The following CSMD1 variants were observed in gnomAD, a reference collection of about 807,000 sequenced individuals.
The protein encoded by CSMD1 is CUB and sushi domain-containing protein 1.
CSMD1 carries 213 observed loss-of-function variants against 417.5 expected under a neutral mutation model. That is an observed-to-expected ratio of 0.51 (90% confidence interval 0.46 to 0.57). The LOEUF (loss-of-function observed/expected upper bound fraction) is 0.57, where lower values mean the gene tolerates loss of function less well. CSMD1 is among the 20% of genes least tolerant of loss of function. The probability of loss-of-function intolerance (pLI) is 0.00; values close to 1 mark genes in which losing one functional copy is unlikely to be tolerated. For missense variants in CSMD1, 6,923 were observed against 4,529.7 expected, an observed-to-expected ratio of 1.53 and a Z score of -15.17; for synonymous variants, 2,862 against 1,736.8, an observed-to-expected ratio of 1.65 and a Z score of -16.11.
intron 5 of CSMD1, among the ~76,000 whole-genome samples, chr8:3,968,949 C>T (rs1397098449): frequency 6.6e-6 from 1 of 152,126 alleles, no homozygotes; most frequent in Non-Finnish European, 1.5e-5. Context: ...GACTACTCTT[C>T]TTTACTAAGA....
chr8:3,410,038 G>A (rs149700008), intron 12 of CSMD1, among the ~76,000 whole-genome samples: 2,442 of 152,170 alleles, frequency 0.016, 70 homozygotes, highest in African/African-American at 0.055. Context: ...GAATCTATTT[G>A]AATATTCTTT....
chr8:3,927,659 G>A (rs1414243176), intron 5 of CSMD1, among the ~76,000 whole-genome samples: 1 of 151,990 alleles, frequency 6.6e-6, no homozygotes, highest in African/African-American at 2.4e-5. Flanking sequence ...AGTGAAACAA[G>A]TGAAACTTCA....
At chr8:4,803,310 A>G (rs1798408908) in intron 1 of CSMD1, among the ~76,000 whole-genome samples, 1 of 152,218 alleles carries the variant, frequency 6.6e-6, no homozygotes, top group Non-Finnish European at 1.5e-5. Context: ...TTTAGTGTTC[A>G]GTGAAGAATT....
chr8:3,394,605 C>T (rs1248099949), intron 17 of CSMD1, among the ~76,000 whole-genome samples: 1 of 128,502 alleles, frequency 7.8e-6, no homozygotes, highest in East Asian at 2.3e-4. Context: ...ATCTAAGAGT[C>T]AAGAAATTCT....
At chr8:3,235,050 C>T (rs1442410) in intron 26 of CSMD1, among the ~76,000 whole-genome samples, 92,378 of 151,950 alleles carry the variant, frequency 0.61, 28,757 homozygotes, top group Non-Finnish European at 0.67. Context: ...TATAATTAAG[C>T]ACTCATTTGC....
intron 1 of CSMD1, among the ~76,000 whole-genome samples, chr8:4,992,397 C>A (rs996091659): frequency 1.3e-5 from 2 of 152,180 alleles, no homozygotes; most frequent in Non-Finnish European, 2.9e-5. Flanking sequence ...GTGCGGAACT[C>A]GAGGGAACCG....
chr8:4,470,621 T>C (rs994715583), intron 2 of CSMD1, among the ~76,000 whole-genome samples: 4 of 152,228 alleles, frequency 2.6e-5, no homozygotes, highest in African/African-American at 9.6e-5. Context: ...CATAAATGGC[T>C]TTCCTGTACG....
intron 3 of CSMD1, among the ~76,000 whole-genome samples, chr8:4,295,069 TACACACATATAATCTTAA>T (rs1797584971): frequency 1.0e-5 from 1 of 97,042 alleles, no homozygotes; most frequent in African/African-American, 3.2e-5. Flanking sequence ...ATCTTAAGAT[TACACACATATAATCTTAA>T]GATTACACAC....
intron 1 of CSMD1, among the ~76,000 whole-genome samples, chr8:4,854,719 G>A (rs568437456): frequency 3.3e-5 from 5 of 152,248 alleles, no homozygotes; most frequent in African/African-American, 7.2e-5. Context: ...CTTAAAAAAC[G>A]GTGCACCACG....
intron 1 of CSMD1, among the ~76,000 whole-genome samples, chr8:4,819,033 G>T (rs1799369663): frequency 6.6e-6 from 1 of 152,016 alleles, no homozygotes; most frequent in African/African-American, 2.4e-5. Flanking sequence ...AGGAATAAAT[G>T]GCTTGGAAGA....
chr8:4,876,748 C>T (rs957589533), intron 1 of CSMD1, among the ~76,000 whole-genome samples: 2 of 151,956 alleles, frequency 1.3e-5, no homozygotes, highest in Non-Finnish European at 2.9e-5. Flanking sequence ...GCTGAGTGTA[C>T]CAGTTTACAT....
chr8:2,960,542 G>A (rs765629092), intron 62 of CSMD1, among the ~76,000 whole-genome samples: 4 of 152,092 alleles, frequency 2.6e-5, no homozygotes, highest in Admixed American at 6.5e-5. Flanking sequence ...CCACTTTTAG[G>A]TATTTCTCCA....
At chr8:3,838,449 A>G (rs1362197641) in intron 5 of CSMD1, among the ~76,000 whole-genome samples, 1 of 149,060 alleles carries the variant, frequency 6.7e-6, no homozygotes, top group Non-Finnish European at 1.5e-5. Context: ...AGTATAGACT[A>G]TACATATATA....
chr8:4,141,291 C>T (rs778874898), intron 3 of CSMD1, among the ~76,000 whole-genome samples: 6 of 151,072 alleles, frequency 4.0e-5, no homozygotes, highest in Non-Finnish European at 7.3e-5. Flanking sequence ...AGTGAAAAAT[C>T]CGTAATTCCC....
At chr8:3,294,777 G>C (rs1419801345) in intron 25 of CSMD1, among the ~76,000 whole-genome samples, 1 of 152,170 alleles carries the variant, frequency 6.6e-6, no homozygotes, top group Non-Finnish European at 1.5e-5. Context: ...CTTCCTGGGT[G>C]AGTTGATGCC....
At chr8:4,334,397 G>A (rs1346707801) in intron 3 of CSMD1, among the ~76,000 whole-genome samples, 1 of 152,056 alleles carries the variant, frequency 6.6e-6, no homozygotes, top group Non-Finnish European at 1.5e-5. Context: ...AATCTGAGGG[G>A]AACTTTAAGA....
chr8:4,382,887 A>G (rs1278282464), intron 3 of CSMD1, among the ~76,000 whole-genome samples: 3 of 152,186 alleles, frequency 2.0e-5, no homozygotes, highest in African/African-American at 7.2e-5. Context: ...AAGATTAAAT[A>G]AATTGTTCAA....
chr8:4,133,510 T>C (rs1289283650), intron 3 of CSMD1, among the ~76,000 whole-genome samples: 1 of 152,202 alleles, frequency 6.6e-6, no homozygotes, highest in African/African-American at 2.4e-5. Flanking sequence ...CTGCAATTAT[T>C]CCTCATATTC....
At position 4,713,261 on chromosome 8, in the gene CSMD1, G is replaced by A. The variant is rs190417832; in HGVS notation, c.86-75703C>T. On this transcript the variant is annotated intron_variant, in intron 1 of 69. Transcript: ENST00000635120. Reference sequence around the variant, plus strand: ...AATTACTCAAGTACAGAAGGAATGCGGAGCAGGAGAGTGTAGTTTAAGTTG... The same window carrying A: ...AATTACTCAAGTACAGAAGGAATGCAGAGCAGGAGAGTGTAGTTTAAGTTG... 5.0e-3 allele frequency among the ~76,000 whole-genome samples: 759 copies of A among 152,342 alleles called. 9 individuals are homozygous for A. Among genetic ancestry groups the A allele is most frequent in the African/African-American group, 0.016 (679 of 41,572 alleles).
Sources: gnomAD v4.1 joint callset for allele counts (sites outside exome capture counted in the v4.1 genomes callset) on GRCh38, gnomAD v4.1.1 for gene constraint, MANE v1.5 for transcripts, NCBI Gene and HGNC (gene_info 2026-07-23, HGNC 2026-07-21) for gene names.